LRP2: variants seen among roughly 807,000 people sequenced by gnomAD.
The protein encoded by LRP2 is LDL receptor related protein 2.
LRP2 carries 172 observed loss-of-function variants against 531.0 expected under a neutral mutation model. The observed-to-expected ratio is 0.32, with a 90% CI of 0.29 to 0.37. LRP2 has a LOEUF of 0.37. Ranked by LOEUF, LRP2 falls within the 10% of genes least tolerant of loss-of-function variation. The pLI is 1.00. For missense variants in LRP2, 5,167 were observed against 5,868.3 expected (o/e 0.88, Z 3.90); for synonymous variants, 1,992 against 2,027.6 (o/e 0.98, Z 0.47).
chr2:169,177,504 A>C (rs892381957), intron 53 of LRP2, among the ~76,000 whole-genome samples: 2 of 152,198 alleles, frequency 1.3e-5, no homozygotes, highest in African/African-American at 4.8e-5. Flanking sequence ...AAATAGATGA[A>C]GTAAATATGG....
intron 18 of LRP2, 109 bp downstream of exon 18, chr2:169,257,015 G>T: frequency 1.6e-6 from 2 of 1,252,490 alleles, no homozygotes; most frequent in Non-Finnish European, 2.3e-6. Context: ...AAAATTCCGC[G>T]AGGGCAAGCA....
chr2:169,211,504 T>C (rs1191750574), intron 37 of LRP2, among the ~76,000 whole-genome samples: 2 of 152,212 alleles, frequency 1.3e-5, no homozygotes, highest in African/African-American at 4.8e-5. Context: ...TGTGGACTAT[T>C]TCATTACCAT....
chr2:169,132,453 A>G, intron 77 of LRP2, 121 bp downstream of exon 77: 1 of 708,896 alleles, frequency 1.4e-6, no homozygotes, highest in Non-Finnish European at 2.6e-6. Context: ...ATTAACTGTC[A>G]ACACATCTTG....
At chr2:169,265,529 C>CCATATCCATATCAAAGT (rs1690764459) in intron 16 of LRP2, among the ~76,000 whole-genome samples, 1 of 152,020 alleles carries the variant, frequency 6.6e-6, no homozygotes, top group Non-Finnish European at 1.5e-5. Flanking sequence ...AATGTCATAT[C>CCATATCCATATCAAAGT]CATATCCATA....
At chr2:169,327,112 C>A (rs1459176450) in intron 1 of LRP2, among the ~76,000 whole-genome samples, 1 of 150,022 alleles carries the variant, frequency 6.7e-6, no homozygotes, top group Admixed American at 6.6e-5. Context: ...GCCCGGCCAG[C>A]CGCCCCATCC....
intron 3 of LRP2, among the ~76,000 whole-genome samples, chr2:169,313,115 T>C (rs1382440035): frequency 6.6e-6 from 1 of 152,232 alleles, no homozygotes; most frequent in Non-Finnish European, 1.5e-5. Context: ...TAATCTTTTT[T>C]CAAGATTTTT....
chr2:169,316,586 GA>G (rs572682105), intron 3 of LRP2, among the ~76,000 whole-genome samples: 5 of 152,132 alleles, frequency 3.3e-5, no homozygotes, highest in Non-Finnish European at 7.4e-5. Context: ...GTTCAGGAGG[GA>G]AGATGATTAT....
At chr2:169,156,719 T>C (rs139687235) in intron 64 of LRP2, among the ~76,000 whole-genome samples, 1 of 152,298 alleles carries the variant, frequency 6.6e-6, no homozygotes, top group East Asian at 1.9e-4. Context: ...ACATTTTCCC[T>C]TTCAGAAGGC....
rs546739015 is a variant in LRP2, at chr2:169,216,436, A to G, written c.5649-6T>C. On this transcript the variant is annotated splice_polypyrimidine_tract_variant and splice_region_variant and intron_variant, in intron 34 of 78. Coordinates refer to ENST00000649046, the MANE Select transcript of LRP2 (RefSeq NM_004525.3). ...GGTCTGACCAGTACAGCTTCCTACAACCATGAAAAACACCAGCATGTAACA... is the reference window on the plus strand; with the variant it reads ...GGTCTGACCAGTACAGCTTCCTACAGCCATGAAAAACACCAGCATGTAACA... The G allele has an allele frequency of 5.0e-6, 8 of 1,613,238 alleles. No individual in the cohort carries two copies. The East Asian group carries it at 1.8e-4, about 36-fold the overall frequency.
intron 69 of LRP2, among the ~76,000 whole-genome samples, chr2:169,146,272 A>T (rs1685906929): frequency 6.6e-6 from 1 of 152,230 alleles, no homozygotes; most frequent in Admixed American, 6.5e-5. Flanking sequence ...CTATCTGACC[A>T]AATAGGAAAA....
chr2:169,231,766 A>G lies in LRP2; in HGVS notation c.5175T>C (p.Cys1725=). 1 of 1,614,128 alleles carries G rather than the reference A, an allele frequency of 6.2e-7. No individual in the cohort carries two copies. The highest frequency in any genetic ancestry group is 1.7e-4 in the Middle Eastern group (1 of 6,060). The change falls in exon 31 of 79, where the codon TGT becomes TGC. Residue 1725 remains cysteine (C), a synonymous_variant. Transcript: ENST00000649046. ...LSSQGPHFYS[C]VCPSGWSLSP... ...ACAGACTCCATCCTGAAGGACAAAC[A>G]CAGGAGTAAAAATGAGGCCCCTGTG...
intron 1 of LRP2, among the ~76,000 whole-genome samples, chr2:169,347,808 G>C (rs1464456378): frequency 2.0e-5 from 3 of 151,924 alleles, no homozygotes; most frequent in Non-Finnish European, 4.4e-5. Context: ...GCATGATAAG[G>C]CTGCAACATA....
intron 38 of LRP2, among the ~76,000 whole-genome samples, chr2:169,207,581 T>C (rs1046006017): frequency 6.6e-5 from 10 of 152,188 alleles, no homozygotes; most frequent in African/African-American, 2.4e-4. Context: ...TCTAAATGCT[T>C]AATACCTACT....
intron 1 of LRP2, among the ~76,000 whole-genome samples, chr2:169,323,310 G>A (rs74846790): frequency 0.02 from 3,065 of 152,198 alleles, 44 homozygotes; most frequent in Non-Finnish European, 0.028. Flanking sequence ...CTATTGTTTG[G>A]AAATATCTCT....
At chr2:169,269,803 T>A (rs2105434833) in intron 16 of LRP2, among the ~76,000 whole-genome samples, 1 of 152,144 alleles carries the variant, frequency 6.6e-6, no homozygotes, top group East Asian at 1.9e-4. Context: ...CAAACTACCA[T>A]CAGAGTGAAC....
rs1263523655 is a variant in LRP2 at position 169,185,886 on chromosome 2, A to G, written c.9462T>C (p.Asp3154=). The G allele has an allele frequency of 1.2e-6, 2 of 1,614,052 alleles. No homozygotes were observed. The highest frequency in any genetic ancestry group is 8.5e-7 in the Non-Finnish European group (1 of 1,179,976). Residue 3154 remains aspartate, a synonymous_variant, in exon 50 of 79, where the codon GAT becomes GAC. Coordinates refer to ENST00000649046, the MANE Select transcript of LRP2 (RefSeq NM_004525.3). ...AGACAAAAGGCATCTCTGTGCATTCATCAATATCAACACAAGTCCGCTTGT... is the reference window on the plus strand; with the variant it reads ...AGACAAAAGGCATCTCTGTGCATTCGTCAATATCAACACAAGTCCGCTTGT... ...MSDKRTCVDI[D]ECTEMPFVCS...
chr2:169,281,975 C>A (rs1683716101), intron 10 of LRP2, among the ~76,000 whole-genome samples: 1 of 151,836 alleles, frequency 6.6e-6, no homozygotes. Flanking sequence ...AAGGTGAAAA[C>A]CATGCAGAGG....
chr2:169,357,143 C>G (rs1379969553), intron 1 of LRP2, among the ~76,000 whole-genome samples: 1 of 151,950 alleles, frequency 6.6e-6, no homozygotes, highest in Non-Finnish European at 1.5e-5. Flanking sequence ...CTTATTTTTT[C>G]CATGCTAGAA....
At chr2:169,222,387 G>A (rs1479730488) in intron 33 of LRP2, among the ~76,000 whole-genome samples, 6 of 152,170 alleles carry the variant, frequency 3.9e-5, no homozygotes, top group Non-Finnish European at 2.9e-5. Context: ...GTCCAAGGTC[G>A]AATAGCTCAT....
Sources: gnomAD v4.1 joint callset for allele counts (sites outside exome capture counted in the v4.1 genomes callset) on GRCh38, gnomAD v4.1.1 for gene constraint, MANE v1.5 for transcripts, NCBI Gene and HGNC (gene_info 2026-07-23, HGNC 2026-07-21) for gene names.